The following GUF1 variants were observed in gnomAD, a reference collection of about 807,000 sequenced individuals.
The protein encoded by GUF1 is GTP binding elongation factor GUF1.
Under a neutral mutation model 82.4 loss-of-function variants are expected in GUF1, and 78 were observed. That is an observed-to-expected ratio of 0.95 (90% CI 0.79 to 1.14). The LOEUF (loss-of-function observed/expected upper bound fraction) is 1.14. Among genes scored for constraint, GUF1 ranks in the 50% most tolerant of loss-of-function variants. The pLI is 0.00. For synonymous variants in GUF1, 279 were observed against 282.3 expected (o/e 0.99, Z 0.12); for missense variants, 814 against 798.2 (o/e 1.02, Z -0.24).
At chr4:44,694,649 T>TC in intron 14 of GUF1, 136 bp downstream of exon 14, 1 of 601,176 alleles carries the variant, frequency 1.7e-6, no homozygotes, top group Non-Finnish European at 3.0e-6. Context: ...CTTTGCTTTC[T>TC]CTTTTTTTTC....
At chr4:44,678,928 T>A in intron 1 of GUF1, 141 bp downstream of exon 1, 1 of 817,680 alleles carries the variant, frequency 1.2e-6, no homozygotes, top group Non-Finnish European at 1.8e-6. Context: ...GCGGAGAGTG[T>A]GAGCACTGCT....
intron 16 of GUF1, 28 bp from the exon 17 acceptor site, chr4:44,698,516 A>T (rs781480963): frequency 6.4e-7 from 1 of 1,554,364 alleles, no homozygotes; most frequent in South Asian, 1.2e-5. Flanking sequence ...AGTGACTTAG[A>T]CTTCCAATGT....
chr4:44,678,638 G>A lies in GUF1; in HGVS notation c.16G>A (p.Gly6Ser). The part of the protein sequence containing the change: MWTLV[G>S]RGWGCARALA... Reference sequence around the variant, plus strand: ...CGCCCGGGTCATGTGGACCCTCGTGGGTCGGGGCTGGGGGTGCGCACGCGC... The same window carrying A: ...CGCCCGGGTCATGTGGACCCTCGTGAGTCGGGGCTGGGGGTGCGCACGCGC... The change falls in exon 1 of 17, where the codon GGT becomes AGT. Residue 6 changes from glycine to serine, a missense_variant. By Grantham distance (56) the Gly-to-Ser change is moderately conservative. Coordinates refer to ENST00000281543, the MANE Select transcript of GUF1 (RefSeq NM_021927.3). 2 of 1,472,388 alleles carry A rather than the reference G, an allele frequency of 1.4e-6. No individual in the cohort carries two copies. Among genetic ancestry groups the A allele is most frequent in the East Asian group, 5.5e-5 (2 of 36,466 alleles). 91.2% of individuals were successfully genotyped at this position (1,472,388 alleles called of 1,614,324 possible). A position where few individuals can be genotyped will look rare whatever the true frequency, so the allele number is the denominator to read the frequency against.
At chr4:44,690,988 T>A (rs1171052657) in intron 12 of GUF1, 128 bp downstream of exon 12, 3 of 509,762 alleles carry the variant, frequency 5.9e-6, no homozygotes, top group East Asian at 6.4e-5. Context: ...CATATATATA[T>A]CTGTCTATAT....
intron 11 of GUF1, 108 bp downstream of exon 11, chr4:44,690,083 C>A: frequency 1.5e-6 from 1 of 677,886 alleles, no homozygotes; most frequent in Non-Finnish European, 2.2e-6. Flanking sequence ...ATACCAATAG[C>A]TGATTAAGTA....
rs1201404222 is a variant in GUF1 at position 44,691,815 on chromosome 4, G to C, written c.1613+16G>C. The stretch of plus-strand genomic sequence containing the variant: ...GATATGCTAGGTAAAAAAATAATGA[G>C]AACCTAAGATGCCTGACCAACTTTT... On this transcript the variant is annotated intron_variant, in intron 13 of 16. Coordinates refer to ENST00000281543, the MANE Select transcript of GUF1 (RefSeq NM_021927.3). 1 of 1,566,024 alleles carries C rather than the reference G, an allele frequency of 6.4e-7. No homozygotes were observed. Among genetic ancestry groups the C allele is most frequent in the South Asian group, 1.2e-5 (1 of 84,488 alleles).
intron 4 of GUF1, 100 bp downstream of exon 4, chr4:44,681,303 T>C: frequency 1.2e-6 from 1 of 842,648 alleles, no homozygotes; most frequent in African/African-American, 1.7e-5. Context: ...ATTTTTGTGT[T>C]TGAAAAATAG....
intron 6 of GUF1, 98 bp downstream of exon 6, chr4:44,683,416 T>G: frequency 1.6e-6 from 1 of 632,994 alleles, no homozygotes. Flanking sequence ...CATTATATGC[T>G]GTTTTTTATA....
chr4:44,697,986 A>C lies in GUF1; in HGVS notation c.1872+542A>C, dbSNP rs544118478. Among the ~76,000 whole-genome samples, 3 of 152,212 alleles carry C rather than the reference A, an allele frequency of 2.0e-5. No individual in the cohort carries two copies. In the East Asian group the frequency reaches 5.8e-4, roughly 29 times the overall value. ...CATGGTGAAACCGCAGCTTTACTGA[A>C]AATACAAAAATTAGCCAGGCGTGGT... On this transcript the variant is annotated intron_variant, in intron 16 of 16. Coordinates refer to ENST00000281543, the MANE Select transcript of GUF1 (RefSeq NM_021927.3).
intron 5 of GUF1, 96 bp downstream of exon 5, chr4:44,682,507 C>A: frequency 1.7e-6 from 1 of 578,356 alleles, no homozygotes; most frequent in Non-Finnish European, 2.9e-6. Context: ...TGAGGGATCA[C>A]CAGCTATTTA....
rs759457820 is a variant in GUF1 at position 44,694,293 on chromosome 4, A to ACTCCC, written c.1614-118_1614-117insTCCCC. On this transcript the variant is annotated intron_variant, in intron 13 of 16. Transcript: ENST00000281543. Reference sequence around the variant, plus strand: ...CTGTATATGTAATATTTTGATGGAAACATATCTCTTTGGGGAGTGTAATGC... The same window carrying ACTCCC: ...CTGTATATGTAATATTTTGATGGAAACTCCCCATATCTCTTTGGGGAGTGTAATGC... 1.4e-3 allele frequency: 922 copies of ACTCCC among 666,452 alleles called. 1 individual carries two copies. Among genetic ancestry groups the ACTCCC allele is most frequent in the Non-Finnish European group, 2.3e-3 (858 of 373,312 alleles). 41.3% of individuals were successfully genotyped at this position (666,452 alleles called of 1,614,324 possible).
Position 44,682,350 on chromosome 4 carries a change from C to T in GUF1, c.524C>T (p.Thr175Ile). Residue 175 changes from threonine to isoleucine, a missense_variant, in exon 5 of 17, where the codon ACT becomes ATT. Transcript: ENST00000281543. ...TATTTTCAGGGAATTCAAGCCCAAA[C>T]TGTAGCAAACTTCTTTCTTGCCTTC... ...VDANEGIQAQ[T>I]VANFFLAFEA... 1 of 1,537,118 alleles carries T rather than the reference C, an allele frequency of 6.5e-7. No individual in the cohort carries two copies. The highest frequency in any genetic ancestry group is 8.7e-7 in the Non-Finnish European group (1 of 1,142,916).
At chr4:44,682,193 G>C in intron 4 of GUF1, 141 bp from the exon 5 acceptor site, 1 of 435,736 alleles carries the variant, frequency 2.3e-6, no homozygotes, top group Non-Finnish European at 4.2e-6. Flanking sequence ...ATGAAGGGTA[G>C]CTACATGGCA....
chr4:44,685,784 T>TA (rs1225247195), intron 6 of GUF1, among the ~76,000 whole-genome samples, 175 bp from the exon 7 acceptor site: 1 of 152,086 alleles, frequency 6.6e-6, no homozygotes, highest in Non-Finnish European at 1.5e-5. Flanking sequence ...GTAACTATAA[T>TA]AGAAAAAGTA....
At chr4:44,694,856 G>C (rs1715695318) in intron 14 of GUF1, among the ~76,000 whole-genome samples, 1 of 151,904 alleles carries the variant, frequency 6.6e-6, no homozygotes, top group African/African-American at 2.4e-5. Flanking sequence ...TGCCAGGCTG[G>C]AGTGCAGTGG....
intron 6 of GUF1, 132 bp from the exon 7 acceptor site, chr4:44,685,827 C>T: frequency 3.4e-6 from 2 of 582,266 alleles, no homozygotes; most frequent in South Asian, 2.0e-5. Flanking sequence ...TGTTCTTTTC[C>T]TTTTGGTGTA....
intron 11 of GUF1, 115 bp downstream of exon 11, chr4:44,690,090 A>C: frequency 3.3e-6 from 2 of 609,932 alleles, no homozygotes; most frequent in South Asian, 1.2e-4. Flanking sequence ...TAGCTGATTA[A>C]GTATTAAACA....
chr4:44,683,399 A>G, intron 6 of GUF1, 81 bp downstream of exon 6: 1 of 741,184 alleles, frequency 1.3e-6, no homozygotes, highest in Non-Finnish European at 2.2e-6. Flanking sequence ...GGTATTTGAT[A>G]ACCTGGCATT....
intron 13 of GUF1, among the ~76,000 whole-genome samples, chr4:44,693,201 T>C (rs554708105): frequency 6.6e-6 from 1 of 152,126 alleles, no homozygotes; most frequent in South Asian, 2.1e-4. Context: ...AACTAGTAGC[T>C]TTTTGGAATT....
Sources: allele counts gnomAD v4.1 joint callset (sites outside exome capture counted in the v4.1 genomes callset), GRCh38; gene constraint gnomAD v4.1.1; transcripts MANE v1.5; gene names NCBI Gene and HGNC (gene_info 2026-07-23, HGNC 2026-07-21).